The following LSAMP variants were observed in gnomAD, a reference collection of about 807,000 sequenced individuals.
The protein encoded by LSAMP is limbic system-associated membrane protein.
In LSAMP, 7 loss-of-function variants were observed where a neutral mutation model predicts 38.6. That is an observed-to-expected ratio of 0.18 (90% CI 0.10 to 0.34). The LOEUF (loss-of-function observed/expected upper bound fraction) is 0.34, where lower values mean the gene tolerates loss of function less well. LSAMP is among the 10% of genes least tolerant of loss of function. The pLI, the probability that LSAMP is intolerant of heterozygous loss-of-function variation, is 1.00. For synonymous variants in LSAMP, 154 were observed against 166.8 expected, an observed-to-expected ratio of 0.92 and a Z score of 0.59; for missense variants, 313 against 420.0, an observed-to-expected ratio of 0.75 and a Z score of 2.23.
At chr3:116,334,755 GC>G (rs2047896984) in intron 1 of LSAMP, among the ~76,000 whole-genome samples, 1 of 152,010 alleles carries the variant, frequency 6.6e-6, no homozygotes, top group African/African-American at 2.4e-5. Context: ...CATAAGTAAA[GC>G]CATATATGAA....
At chr3:116,220,859 A>G (rs1254973486) in intron 1 of LSAMP, among the ~76,000 whole-genome samples, 1 of 152,200 alleles carries the variant, frequency 6.6e-6, no homozygotes, top group Non-Finnish European at 1.5e-5. Context: ...TCTGAGACTA[A>G]GAAAAGGGGA....
intron 1 of LSAMP, among the ~76,000 whole-genome samples, chr3:116,346,600 A>G (rs538855376): frequency 2.0e-5 from 3 of 152,280 alleles, no homozygotes; most frequent in South Asian, 2.1e-4. Flanking sequence ...AAGTGCTGGA[A>G]TTACAGGTGT....
At chr3:115,994,907 T>C (rs1228683384) in intron 3 of LSAMP, among the ~76,000 whole-genome samples, 1 of 152,094 alleles carries the variant, frequency 6.6e-6, no homozygotes, top group Non-Finnish European at 1.5e-5. Flanking sequence ...GAATGGCTTT[T>C]TCCTCATCCT....
chr3:116,043,678 G>A (rs1941224436), intron 2 of LSAMP, among the ~76,000 whole-genome samples: 1 of 152,242 alleles, frequency 6.6e-6, no homozygotes, highest in Non-Finnish European at 1.5e-5. Context: ...GGGCGCGGTG[G>A]CTCACGCCTG....
At chr3:116,155,115 G>A (rs1709714605) in intron 1 of LSAMP, among the ~76,000 whole-genome samples, 1 of 152,024 alleles carries the variant, frequency 6.6e-6, no homozygotes, top group Admixed American at 6.6e-5. Context: ...ACACTTCTGG[G>A]AAGCATTATG....
At position 115,852,637 on chromosome 3, in the gene LSAMP, A is replaced by C; in HGVS notation, c.515-20T>G. 2 of 1,603,364 alleles carry C rather than the reference A, an allele frequency of 1.2e-6. No individual in the cohort carries two copies. The highest frequency in any genetic ancestry group is 2.2e-5 in the East Asian group (1 of 44,536). On this transcript the variant is annotated intron_variant, in intron 3 of 6. Coordinates refer to ENST00000490035, the MANE Select transcript of LSAMP (RefSeq NM_002338.5). ...CCCTTCCTGAAAAACAGAGGTTTTC[A>C]TGATTCTTTTTTAAAGTCTGAAATA...
intron 1 of LSAMP, among the ~76,000 whole-genome samples, chr3:116,388,792 T>G (rs1349057006): frequency 6.6e-6 from 1 of 152,136 alleles, no homozygotes; most frequent in Non-Finnish European, 1.5e-5. Context: ...TAATGTACAT[T>G]GGGATCACAG....
chr3:116,413,076 C>T (rs2049001424), intron 1 of LSAMP, among the ~76,000 whole-genome samples: 1 of 152,022 alleles, frequency 6.6e-6, no homozygotes, highest in Non-Finnish European at 1.5e-5. Context: ...ACCTAGCAAT[C>T]CATTTTTAAC....
chr3:116,091,350 T>A (rs938370015), intron 1 of LSAMP, among the ~76,000 whole-genome samples: 1 of 152,214 alleles, frequency 6.6e-6, no homozygotes, highest in Non-Finnish European at 1.5e-5. Context: ...GTACAATTTG[T>A]GCAGTTAATG....
At chr3:115,891,319 G>T (rs1360216332) in intron 3 of LSAMP, among the ~76,000 whole-genome samples, 4 of 151,988 alleles carry the variant, frequency 2.6e-5, no homozygotes, top group African/African-American at 4.8e-5. Flanking sequence ...ATAAACAGAA[G>T]CTTAAAATGG....
chr3:116,401,726 A>G (rs2048843584), intron 1 of LSAMP, among the ~76,000 whole-genome samples: 1 of 152,244 alleles, frequency 6.6e-6, no homozygotes. Context: ...GCTCATAGAT[A>G]CAATTAGTTC....
intron 1 of LSAMP, among the ~76,000 whole-genome samples, chr3:116,193,461 T>A (rs2107583892): frequency 6.6e-6 from 1 of 152,320 alleles, no homozygotes; most frequent in East Asian, 1.9e-4. Context: ...ACCATTTGTC[T>A]TGTCATGTAA....
chr3:115,916,804 T>C (rs1481719243), intron 3 of LSAMP, among the ~76,000 whole-genome samples: 2 of 152,202 alleles, frequency 1.3e-5, no homozygotes, highest in Non-Finnish European at 2.9e-5. Flanking sequence ...TCAGGAATCA[T>C]ATTCAAGTCT....
rs527369568 is a variant in LSAMP at position 115,983,080 on chromosome 3, T to G, written c.514+36435A>C. ...ATTGCTGCCCCTGCCAATACCAAAA[T>G]ATAGCAACAATAACAACAACAAAAA... On this transcript the variant is annotated intron_variant, in intron 3 of 6. Transcript: ENST00000490035. Among the ~76,000 whole-genome samples, 18 of 152,112 alleles carry G rather than the reference T, an allele frequency of 1.2e-4. No homozygotes were observed. In the South Asian group the frequency reaches 3.7e-3, roughly 32 times the overall value.
chr3:115,987,887 T>C (rs1252194766), intron 3 of LSAMP, among the ~76,000 whole-genome samples: 1 of 152,190 alleles, frequency 6.6e-6, no homozygotes, highest in Non-Finnish European at 1.5e-5. Context: ...CAGCTAAAGT[T>C]CTTCAAACTC....
Position 115,992,406 on chromosome 3 carries a change from C to T in LSAMP, c.514+27109G>A, listed in dbSNP as rs566186409. Among the ~76,000 whole-genome samples, 269 of 152,028 alleles carry T rather than the reference C, an allele frequency of 1.8e-3. 1 individual carries two copies. Among genetic ancestry groups the T allele is most frequent in the African/African-American group, 6.4e-3 (264 of 41,502 alleles). ...ATTATTTTTTCCTGTGGCTGCTGGT[C>T]TTCTTTATAGTTTTGAAGATACATG... On this transcript the variant is annotated intron_variant, in intron 3 of 6. Coordinates refer to ENST00000490035, the MANE Select transcript of LSAMP (RefSeq NM_002338.5).
chr3:116,213,483 CT>C (rs1211179493), intron 1 of LSAMP, among the ~76,000 whole-genome samples: 6 of 152,208 alleles, frequency 3.9e-5, no homozygotes, highest in Non-Finnish European at 8.8e-5. Context: ...CACTAAGCCT[CT>C]TTCTTTTGTA....
intron 1 of LSAMP, among the ~76,000 whole-genome samples, chr3:116,210,396 C>T (rs1412226730): frequency 2.6e-5 from 4 of 152,296 alleles, no homozygotes; most frequent in Non-Finnish European, 5.9e-5. Flanking sequence ...GAAGAGCAGG[C>T]TTGCTGCGTC....
At position 116,187,718 on chromosome 3, in the gene LSAMP, C is replaced by T. The variant is rs187538356; in HGVS notation, c.156-101162G>A. On this transcript the variant is annotated intron_variant, in intron 1 of 6. Transcript: ENST00000490035. ...CCAGCACATAGCTTCTTTACAATACCCATACCAAAGGTATATCACATTCTG... is the reference window on the plus strand; with the variant it reads ...CCAGCACATAGCTTCTTTACAATACTCATACCAAAGGTATATCACATTCTG... 1.1e-4 allele frequency among the ~76,000 whole-genome samples: 16 copies of T among 152,234 alleles called. No individual in the cohort carries two copies. The South Asian group carries it at 2.5e-3, about 24-fold the overall frequency.
Sources: allele counts gnomAD v4.1 joint callset (sites outside exome capture counted in the v4.1 genomes callset), GRCh38; gene constraint gnomAD v4.1.1; transcripts MANE v1.5; gene names NCBI Gene and HGNC (gene_info 2026-07-23, HGNC 2026-07-21).